Variants in PCDH15 observed in about 807,000 individuals in gnomAD.
The protein encoded by PCDH15 is protocadherin related 15.
In PCDH15, 129 loss-of-function variants were observed where a neutral mutation model predicts 178.5. The observed-to-expected ratio is 0.72, with a 90% CI of 0.63 to 0.84. The LOEUF (loss-of-function observed/expected upper bound fraction) is 0.84, where lower values mean the gene tolerates loss of function less well. PCDH15 is among the 40% of genes least tolerant of loss of function. The pLI is 0.00. For missense variants in PCDH15, 2,230 were observed against 2,099.9 expected (o/e 1.06, Z -1.21); for synonymous variants, 800 against 732.0 (o/e 1.09, Z -1.50).
chr10:54,492,214 AACAG>A (rs1364575357), intron 3 of PCDH15, among the ~76,000 whole-genome samples: 1 of 152,144 alleles, frequency 6.6e-6, no homozygotes, highest in African/African-American at 2.4e-5. Context: ...TGTCAACCTG[AACAG>A]ACATTCATCT....
intron 26 of PCDH15, among the ~76,000 whole-genome samples, chr10:53,883,309 T>G (rs2133367627): frequency 6.6e-6 from 1 of 152,322 alleles, no homozygotes; most frequent in East Asian, 1.9e-4. Flanking sequence ...AGAATTTTTT[T>G]GTTTTAACCA....
intron 2 of PCDH15, among the ~76,000 whole-genome samples, chr10:54,623,467 T>A (rs907039726): frequency 2.6e-5 from 4 of 152,142 alleles, no homozygotes; most frequent in Non-Finnish European, 5.9e-5. Flanking sequence ...ATTAAGTGGA[T>A]TTTTATAAAT....
intron 1 of PCDH15, among the ~76,000 whole-genome samples, chr10:55,191,455 A>G (rs1041328454): frequency 1.3e-5 from 2 of 151,790 alleles, no homozygotes; most frequent in African/African-American, 4.8e-5. Context: ...ATTTTATGTG[A>G]CATTTACACT....
chr10:53,856,086 A>G (rs925441146), intron 28 of PCDH15, among the ~76,000 whole-genome samples: 2 of 151,310 alleles, frequency 1.3e-5, no homozygotes, highest in African/African-American at 4.9e-5. Flanking sequence ...TGAGGACTCA[A>G]ATGCATAAAG....
At position 55,309,522 on chromosome 10, in the gene PCDH15, T is replaced by TAA. The variant is rs397970217; in HGVS notation, c.-156+10075_-156+10076dup. Among the ~76,000 whole-genome samples the TAA allele has an allele frequency of 6.4e-4, 93 of 144,286 alleles. 1 individual carries two copies. Among genetic ancestry groups the TAA allele is most frequent in the African/African-American group, 2.1e-3 (86 of 40,070 alleles). The allele number at this position is 144,286 out of a possible 152,430, so 94.7% of individuals were successfully genotyped here. A position where few individuals can be genotyped will look rare whatever the true frequency, so the allele number is the denominator to read the frequency against. On this transcript the variant is annotated intron_variant, in intron 1 of 5. Transcript: ENST00000458638. ...GACAACAGAACGAGACCTTATCTTT[T>TAA]AAAAAAAAAAAAAAGTTAAAAGATA... is the stretch of plus-strand genomic sequence containing the variant.
At chr10:54,133,306 G>A (rs1590693789) in intron 14 of PCDH15, among the ~76,000 whole-genome samples, 1 of 152,166 alleles carries the variant, frequency 6.6e-6, no homozygotes, top group Non-Finnish European at 1.5e-5. Context: ...CTTGACTTCT[G>A]ACTTTGTTTT....
intron 2 of PCDH15, among the ~76,000 whole-genome samples, chr10:54,649,348 C>T (rs141783099): frequency 2.3e-3 from 349 of 151,960 alleles, no homozygotes; most frequent in African/African-American, 7.9e-3. Context: ...CAACATAAAG[C>T]GTAAAGAATT....
chr10:55,558,854 G>C (rs1842139890), intron 2 of PCDH15, among the ~76,000 whole-genome samples: 1 of 151,764 alleles, frequency 6.6e-6, no homozygotes, highest in African/African-American at 2.4e-5. Flanking sequence ...TAATGTATTT[G>C]TTATTTTTGT....
intron 3 of PCDH15, among the ~76,000 whole-genome samples, chr10:54,491,577 A>G (rs922620105): frequency 6.6e-5 from 10 of 152,138 alleles, no homozygotes; most frequent in Non-Finnish European, 8.8e-5. Flanking sequence ...TTCCTTTGAT[A>G]TTGCTAGGGA....
At chr10:55,010,464 A>G (rs1021196451) in intron 2 of PCDH15, among the ~76,000 whole-genome samples, 3 of 152,220 alleles carry the variant, frequency 2.0e-5, no homozygotes, top group African/African-American at 7.2e-5. Context: ...GATAACAAAG[A>G]GGGACTTTGG....
intron 8 of PCDH15, among the ~76,000 whole-genome samples, chr10:54,282,895 C>A (rs2058788691): frequency 6.6e-6 from 1 of 151,544 alleles, no homozygotes; most frequent in South Asian, 2.1e-4. Flanking sequence ...CTTTGGGGGG[C>A]AGAATGTTAA....
At chr10:55,113,442 T>C (rs1289631887) in intron 2 of PCDH15, among the ~76,000 whole-genome samples, 1 of 152,054 alleles carries the variant, frequency 6.6e-6, no homozygotes, top group African/African-American at 2.4e-5. Flanking sequence ...AATTATATTC[T>C]CCTTTCTCAT....
intron 2 of PCDH15, among the ~76,000 whole-genome samples, chr10:54,628,681 C>T (rs892767992): frequency 3.9e-5 from 6 of 152,062 alleles, no homozygotes; most frequent in Non-Finnish European, 7.4e-5. Flanking sequence ...GCCCTTGATG[C>T]CTCTCATGTG....
intron 2 of PCDH15, among the ~76,000 whole-genome samples, chr10:55,399,994 G>C (rs1171394991): frequency 2.0e-5 from 3 of 152,010 alleles, no homozygotes; most frequent in Non-Finnish European, 4.4e-5. Context: ...TTCAAAATTA[G>C]TGATGGAAAC....
Position 54,796,652 on chromosome 10 carries a change from T to C in PCDH15, c.-29+4273A>G, listed in dbSNP as rs188130826. Among the ~76,000 whole-genome samples, 335 of 152,012 alleles carry C rather than the reference T, an allele frequency of 2.2e-3. 2 individuals carry two copies. Among genetic ancestry groups the C allele is most frequent in the African/African-American group, 6.5e-3 (271 of 41,510 alleles). ...TTCTGTTCCCTTTCTCTTTTTCTTA[T>C]ATTTGACTGTCTCTAACTTTTATTA... is the stretch of plus-strand genomic sequence containing the variant. On this transcript the variant is annotated intron_variant, in intron 1 of 37. Transcript: ENST00000644397.
intron 2 of PCDH15, chr10:55,599,926 CT>C: frequency 6.5e-7 from 1 of 1,527,872 alleles, no homozygotes; most frequent in Non-Finnish European, 8.8e-7. Context: ...TTAGCTGTCT[CT>C]TACTTTCAAC....
intron 9 of PCDH15, among the ~76,000 whole-genome samples, chr10:54,215,981 T>G (rs2134129520): frequency 9.6e-6 from 1 of 104,084 alleles, no homozygotes; most frequent in South Asian, 3.1e-4. Context: ...AGGCGGAGCT[T>G]GCAGTGAGCT....
chr10:55,332,077 T>G (rs969297259), intron 2 of PCDH15, among the ~76,000 whole-genome samples: 1 of 152,138 alleles, frequency 6.6e-6, no homozygotes, highest in African/African-American at 2.4e-5. Context: ...GGTGTAACAT[T>G]TATTTTTCTA....
chr10:55,292,939 A>G (rs993639673), intron 1 of PCDH15, among the ~76,000 whole-genome samples: 2 of 151,608 alleles, frequency 1.3e-5, no homozygotes, highest in Non-Finnish European at 2.9e-5. Context: ...TCATAGCTCC[A>G]CTGGCAGTGC....
Sources: allele counts gnomAD v4.1 joint callset (sites outside exome capture counted in the v4.1 genomes callset), GRCh38; gene constraint gnomAD v4.1.1; transcripts MANE v1.5; gene names NCBI Gene and HGNC (gene_info 2026-07-23, HGNC 2026-07-21).